SHTN1: variants seen among roughly 807,000 people sequenced by gnomAD.
SHTN1 encodes the protein shootin 1.
In SHTN1, 42 loss-of-function variants were observed where a neutral mutation model predicts 83.1. That is an observed-to-expected ratio of 0.51 (90% CI 0.39 to 0.65). The LOEUF is 0.65. SHTN1 is among the 30% of genes least tolerant of loss of function. The probability of loss-of-function intolerance (pLI) is 0.00; values close to 1 mark genes in which losing one functional copy is unlikely to be tolerated. For missense variants in SHTN1, 622 were observed against 737.8 expected (o/e 0.84, Z 1.82); for synonymous variants, 224 against 247.7 (o/e 0.90, Z 0.90).
intron 11 of SHTN1, among the ~76,000 whole-genome samples, chr10:116,922,601 C>T (rs1473165549): frequency 6.6e-6 from 1 of 152,124 alleles, no homozygotes; most frequent in African/African-American, 2.4e-5. Context: ...CTGAGACCTT[C>T]ATAAAGTGAA....
intron 1 of SHTN1, among the ~76,000 whole-genome samples, chr10:117,118,470 C>G (rs557367024): frequency 6.6e-6 from 1 of 150,818 alleles, no homozygotes; most frequent in East Asian, 2.0e-4. Context: ...TTAGTATAGT[C>G]ACTATGAAAA....
chr10:116,980,372 A>G (rs529554631), intron 1 of SHTN1, among the ~76,000 whole-genome samples: 1 of 152,204 alleles, frequency 6.6e-6, no homozygotes, highest in East Asian at 1.9e-4. Flanking sequence ...AGCTCACTGC[A>G]GTTTTGAACT....
intron 2 of SHTN1, among the ~76,000 whole-genome samples, chr10:117,036,046 A>G (rs1352359012): frequency 6.6e-6 from 1 of 152,040 alleles, no homozygotes; most frequent in Non-Finnish European, 1.5e-5. Flanking sequence ...GCTCAACATC[A>G]CTGATCATCA....
chr10:117,043,666 T>C (rs1040787161), intron 2 of SHTN1, among the ~76,000 whole-genome samples: 4 of 151,718 alleles, frequency 2.6e-5, no homozygotes, highest in Admixed American at 2.0e-4. Context: ...CATAGGGAGA[T>C]CCCATCTCTA....
intron 1 of SHTN1, among the ~76,000 whole-genome samples, chr10:117,061,616 T>C (rs564127680): frequency 1.3e-5 from 2 of 152,162 alleles, no homozygotes; most frequent in South Asian, 2.1e-4. Flanking sequence ...ATTACAGGTA[T>C]GGGCCACCAT....
At position 116,905,642 on chromosome 10, in the gene SHTN1, T is replaced by A. The variant is rs553062660; in HGVS notation, c.1480+985A>T. Among the ~76,000 whole-genome samples the A allele has an allele frequency of 7.4e-4, 112 of 152,336 alleles. 2 individuals carry two copies. In the South Asian group the frequency reaches 0.022, roughly 30 times the overall value. Reference sequence around the variant, plus strand: ...TTGATGATCAAAAACCCATCTTTAATATTCTTGCTACTTAAATTTGGTCAA... The same window carrying A: ...TTGATGATCAAAAACCCATCTTTAAAATTCTTGCTACTTAAATTTGGTCAA... On this transcript the variant is annotated intron_variant, in intron 15 of 16. Transcript: ENST00000355371.
intron 1 of SHTN1, among the ~76,000 whole-genome samples, chr10:117,050,881 C>T (rs571683863): frequency 3.0e-4 from 46 of 152,054 alleles, no homozygotes; most frequent in African/African-American, 9.9e-4. Flanking sequence ...AGTAAGACTT[C>T]GTCTCTACAA....
chr10:117,103,530 C>CCTCTG, intron 1 of SHTN1, among the ~76,000 whole-genome samples: 1 of 77,540 alleles, frequency 1.3e-5, no homozygotes, highest in Admixed American at 2.1e-4. Flanking sequence ...CCTCCCCTCT[C>CCTCTG]TTTTTTTTTT....
intron 2 of SHTN1, among the ~76,000 whole-genome samples, chr10:117,037,998 C>CAA (rs71013632): frequency 0.029 from 2,137 of 73,308 alleles, 175 homozygotes; most frequent in African/African-American, 0.052. Flanking sequence ...AGCGAGACTT[C>CAA]AAAAAAAAAA....
chr10:116,956,182 A>T (rs1484753021), intron 4 of SHTN1, among the ~76,000 whole-genome samples: 1 of 152,232 alleles, frequency 6.6e-6, no homozygotes, highest in African/African-American at 2.4e-5. Flanking sequence ...GAGCTTTTTA[A>T]AAACCTCAAT....
chr10:116,887,117 G>C (rs576472166), intron 16 of SHTN1, among the ~76,000 whole-genome samples: 7 of 152,202 alleles, frequency 4.6e-5, no homozygotes, highest in Non-Finnish European at 1.0e-4. Flanking sequence ...TCAGGAGGGG[G>C]TGGTGGTAGG....
intron 1 of SHTN1, among the ~76,000 whole-genome samples, chr10:117,076,876 G>A (rs1853165019): frequency 6.6e-6 from 1 of 152,162 alleles, no homozygotes; most frequent in Non-Finnish European, 1.5e-5. Context: ...GAAAAGGGTG[G>A]CAAATGGAAA....
At chr10:117,030,330 A>G (rs1852395135) in intron 2 of SHTN1, among the ~76,000 whole-genome samples, 1 of 152,198 alleles carries the variant, frequency 6.6e-6, no homozygotes, top group Non-Finnish European at 1.5e-5. Context: ...GATACAGGTT[A>G]GATCACAACA....
chr10:117,064,483 G>T (rs771422821), intron 1 of SHTN1, among the ~76,000 whole-genome samples: 14 of 151,972 alleles, frequency 9.2e-5, no homozygotes, highest in Non-Finnish European at 1.6e-4. Flanking sequence ...GTGAAACTCC[G>T]TCTCTACTAA....
chr10:116,916,429 C>T (rs773257892), intron 12 of SHTN1, among the ~76,000 whole-genome samples: 2 of 152,188 alleles, frequency 1.3e-5, no homozygotes. Context: ...CTTCCAATTA[C>T]CATCTTTAAT....
At chr10:117,023,188 C>T (rs1239505434) in intron 2 of SHTN1, among the ~76,000 whole-genome samples, 1 of 152,176 alleles carries the variant, frequency 6.6e-6, no homozygotes, top group Non-Finnish European at 1.5e-5. Flanking sequence ...CAAAGGACCA[C>T]TTTTAGGCTT....
chr10:117,077,440 G>A (rs1258662057), intron 1 of SHTN1, among the ~76,000 whole-genome samples: 1 of 152,070 alleles, frequency 6.6e-6, no homozygotes, highest in African/African-American at 2.4e-5. Context: ...GATATTGGGA[G>A]CAATCACCAA....
At chr10:116,958,579 G>C (rs1168895784) in intron 4 of SHTN1, among the ~76,000 whole-genome samples, 1 of 152,128 alleles carries the variant, frequency 6.6e-6, no homozygotes, top group Non-Finnish European at 1.5e-5. Context: ...CACACATCTA[G>C]AGCCAATGGA....
intron 15 of SHTN1, among the ~76,000 whole-genome samples, chr10:116,904,901 C>T (rs1847901135): frequency 6.6e-6 from 1 of 152,100 alleles, no homozygotes; most frequent in South Asian, 2.1e-4. Context: ...TCAACAAAGT[C>T]CTTAAAAATA....
Sources: gnomAD v4.1 joint callset for allele counts (sites outside exome capture counted in the v4.1 genomes callset) on GRCh38, gnomAD v4.1.1 for gene constraint, MANE v1.5 for transcripts, NCBI Gene and HGNC (gene_info 2026-07-23, HGNC 2026-07-21) for gene names.